The following MACROD2 variants were observed in gnomAD, a reference collection of about 807,000 sequenced individuals.
MACROD2 encodes ADP-ribose glycohydrolase MACROD2.
In MACROD2, 36 loss-of-function variants were observed where a neutral mutation model predicts 70.4. That is an observed-to-expected ratio of 0.51 (90% CI 0.39 to 0.68). MACROD2 has a LOEUF of 0.68. MACROD2 is among the 30% of genes least tolerant of loss of function. The probability of loss-of-function intolerance (pLI) is 0.00; values close to 1 mark genes in which losing one functional copy is unlikely to be tolerated. For synonymous variants in MACROD2, 172 were observed against 178.8 expected (o/e 0.96, Z 0.30); for missense variants, 496 against 538.4 (o/e 0.92, Z 0.78).
intron 5 of MACROD2, among the ~76,000 whole-genome samples, chr20:14,862,481 A>T (rs1424130058): frequency 2.4e-4 from 10 of 41,348 alleles, no homozygotes; most frequent in African/African-American, 9.1e-4. Context: ...ATATAAATAT[A>T]TATAAATATA....
intron 5 of MACROD2, among the ~76,000 whole-genome samples, chr20:14,762,902 C>T (rs2072035837): frequency 6.6e-6 from 1 of 152,014 alleles, no homozygotes; most frequent in Admixed American, 6.6e-5. Context: ...TGCACTCCAG[C>T]ATGGGAGACA....
intron 5 of MACROD2, among the ~76,000 whole-genome samples, chr20:15,167,994 C>T (rs1278626991): frequency 6.6e-6 from 1 of 152,072 alleles, no homozygotes; most frequent in East Asian, 1.9e-4. Context: ...TTCCTCTGTC[C>T]CCACACCTCT....
chr20:15,324,174 A>T (rs1212151823), intron 6 of MACROD2, among the ~76,000 whole-genome samples: 3 of 152,088 alleles, frequency 2.0e-5, no homozygotes, highest in African/African-American at 4.8e-5. Context: ...AGAGATAGTT[A>T]TTCTCTCTTT....
chr20:14,708,571 A>AT (rs200114076), intron 5 of MACROD2, among the ~76,000 whole-genome samples: 5,031 of 152,186 alleles, frequency 0.033, 115 homozygotes, highest in Non-Finnish European at 0.047. Flanking sequence ...AGTAATATCC[A>AT]TTTTTTTAAA....
intron 6 of MACROD2, among the ~76,000 whole-genome samples, chr20:15,423,493 A>C (rs1461219147): frequency 6.6e-6 from 1 of 152,148 alleles, no homozygotes; most frequent in Non-Finnish European, 1.5e-5. Context: ...TGAGTGGCTT[A>C]AACAACTTAT....
intron 5 of MACROD2, among the ~76,000 whole-genome samples, chr20:15,185,823 T>G (rs1168736484): frequency 6.6e-6 from 1 of 152,222 alleles, no homozygotes; most frequent in Non-Finnish European, 1.5e-5. Flanking sequence ...ACAGCAATAC[T>G]AGAAGGAAAT....
chr20:15,846,764 A>G (rs2064235124), intron 8 of MACROD2, among the ~76,000 whole-genome samples: 3 of 152,052 alleles, frequency 2.0e-5, no homozygotes, highest in Admixed American at 1.3e-4. Context: ...ACTGAGATAG[A>G]AAACATACAG....
At chr20:14,813,146 CT>C (rs2072734257) in intron 5 of MACROD2, among the ~76,000 whole-genome samples, 1 of 151,316 alleles carries the variant, frequency 6.6e-6, no homozygotes, top group Admixed American at 6.6e-5. Flanking sequence ...TTTTCATTGG[CT>C]TTATATTTTA....
At chr20:14,132,727 C>A (rs2054733757) in intron 3 of MACROD2, among the ~76,000 whole-genome samples, 1 of 152,058 alleles carries the variant, frequency 6.6e-6, no homozygotes, top group African/African-American at 2.4e-5. Flanking sequence ...AGCCTTGAAC[C>A]CCCCAGCCTC....
chr20:15,919,088 A>C (rs2065362690), intron 10 of MACROD2, among the ~76,000 whole-genome samples: 1 of 152,208 alleles, frequency 6.6e-6, no homozygotes, highest in Non-Finnish European at 1.5e-5. Flanking sequence ...TTTACCAAAC[A>C]TATTTCTGTG....
intron 2 of MACROD2, among the ~76,000 whole-genome samples, chr20:14,072,934 GAAAA>G (rs201463181): frequency 8.5e-6 from 1 of 118,076 alleles, no homozygotes; most frequent in African/African-American, 3.3e-5. Flanking sequence ...ACTCCGTCTA[GAAAA>G]AAAAAAAAAA....
rs1454352833 is a variant in MACROD2 at position 15,987,056 on chromosome 20, T to C, written c.1061-10T>C. On this transcript the variant is annotated splice_polypyrimidine_tract_variant and intron_variant, in intron 14 of 17. Transcript: ENST00000684519. The stretch of plus-strand genomic sequence containing the variant: ...CAACCCTGAGTGTCCATCTGTCTCA[T>C]TCTATTTAGAACTTTCATCAAACCA... The C allele has an allele frequency of 6.9e-6, 11 of 1,603,860 alleles. No homozygotes were observed. Among genetic ancestry groups the C allele is most frequent in the Non-Finnish European group, 9.4e-6 (11 of 1,175,796 alleles).
At chr20:14,415,860 G>T (rs1430626686) in intron 3 of MACROD2, among the ~76,000 whole-genome samples, 8 of 152,222 alleles carry the variant, frequency 5.3e-5, no homozygotes, top group African/African-American at 1.9e-4. Context: ...TCAAAGTCCA[G>T]CTGCAACCCA....
At position 15,492,857 on chromosome 20, in the gene MACROD2, A is replaced by C. The variant is rs149838441; in HGVS notation, c.572-6917A>C. On this transcript the variant is annotated intron_variant, in intron 7 of 17. Transcript: ENST00000684519. ...GAGTTCAAGGGAGTTTGATTTTTTT[A>C]AACTGCTGCTCCTAACTTCTGGATA... 2.5e-3 allele frequency among the ~76,000 whole-genome samples: 384 copies of C among 152,334 alleles called. 1 individual carries two copies. Among genetic ancestry groups the C allele is most frequent in the Non-Finnish European group, 4.4e-3 (299 of 68,028 alleles).
At chr20:13,997,844 T>C (rs2052683834) in intron 1 of MACROD2, among the ~76,000 whole-genome samples, 1 of 152,154 alleles carries the variant, frequency 6.6e-6, no homozygotes, top group African/African-American at 2.4e-5. Context: ...TTGGAATATT[T>C]AAATATAAAA....
chr20:15,168,826 GA>G (rs932617432), intron 5 of MACROD2, among the ~76,000 whole-genome samples: 1 of 151,756 alleles, frequency 6.6e-6, no homozygotes, highest in Admixed American at 6.6e-5. Flanking sequence ...TTGAACAAAA[GA>G]AAAAAATGAA....
intron 4 of MACROD2, among the ~76,000 whole-genome samples, chr20:14,608,249 T>A (rs182493017): frequency 6.6e-6 from 1 of 152,196 alleles, no homozygotes; most frequent in Non-Finnish European, 1.5e-5. Flanking sequence ...AGAATGGAAC[T>A]CCGTCTCAAA....
chr20:15,504,856 G>A (rs999846470), intron 8 of MACROD2, among the ~76,000 whole-genome samples: 8 of 152,152 alleles, frequency 5.3e-5, no homozygotes, highest in African/African-American at 1.7e-4. Flanking sequence ...GTAGAAATGT[G>A]GCCTAGATTT....
chr20:15,424,966 G>A (rs2046278631), intron 6 of MACROD2, among the ~76,000 whole-genome samples: 1 of 152,222 alleles, frequency 6.6e-6, no homozygotes, highest in Non-Finnish European at 1.5e-5. Flanking sequence ...GGGGCCGCCT[G>A]AGGAGGAGGT....
Sources: gnomAD v4.1 joint callset for allele counts (sites outside exome capture counted in the v4.1 genomes callset) on GRCh38, gnomAD v4.1.1 for gene constraint, MANE v1.5 for transcripts, NCBI Gene and HGNC (gene_info 2026-07-23, HGNC 2026-07-21) for gene names.